The following CCDC148 variants were observed in gnomAD, a reference collection of about 807,000 sequenced individuals.
CCDC148 encodes the protein coiled-coil domain-containing protein 148.
In CCDC148, 89 loss-of-function variants were observed where a neutral mutation model predicts 85.7. That is an observed-to-expected ratio of 1.04 (90% CI 0.87 to 1.24). The LOEUF is 1.24. Among genes scored for constraint, CCDC148 ranks in the 50% most tolerant of loss-of-function variants. CCDC148 has a pLI of 0.00. For missense variants in CCDC148, 692 were observed against 671.7 expected (o/e 1.03, Z -0.33); for synonymous variants, 230 against 213.9 (o/e 1.08, Z -0.66).
chr2:158,311,800 C>A (rs1167724830), intron 8 of CCDC148, among the ~76,000 whole-genome samples: 1 of 152,068 alleles, frequency 6.6e-6, no homozygotes, highest in African/African-American at 2.4e-5. Flanking sequence ...GTAATAATAA[C>A]AATGACACTG....
intron 9 of CCDC148, among the ~76,000 whole-genome samples, chr2:158,286,149 G>T (rs1690613613): frequency 6.6e-6 from 1 of 151,846 alleles, no homozygotes; most frequent in Non-Finnish European, 1.5e-5. Context: ...ATATTTTTAT[G>T]TTCTAGAAAA....
chr2:158,364,193 C>G (rs957024683), intron 1 of CCDC148, among the ~76,000 whole-genome samples: 2 of 152,210 alleles, frequency 1.3e-5, no homozygotes, highest in African/African-American at 4.8e-5. Flanking sequence ...ATTCCATGCT[C>G]ATGGATAGGA....
chr2:158,284,468 CAAATCAGAGATTCTTTTGTGAA>C (rs1470902024), intron 9 of CCDC148, among the ~76,000 whole-genome samples: 1 of 152,040 alleles, frequency 6.6e-6, no homozygotes, highest in African/African-American at 2.4e-5. Flanking sequence ...ATAGCTACTC[CAAATCAGAGATTCTTTTGTGAA>C]AAACTGAGGG....
chr2:158,265,360 T>C (rs1689410770), intron 9 of CCDC148, among the ~76,000 whole-genome samples: 1 of 152,148 alleles, frequency 6.6e-6, no homozygotes, highest in African/African-American at 2.4e-5. Context: ...GGGTTTTTGT[T>C]TTTTTACATT....
At chr2:158,408,318 G>A (rs895867872) in intron 1 of CCDC148, among the ~76,000 whole-genome samples, 5 of 151,868 alleles carry the variant, frequency 3.3e-5, no homozygotes, top group African/African-American at 4.8e-5. Flanking sequence ...ATTGCTGTAC[G>A]TTAGATCTCC....
intron 10 of CCDC148, among the ~76,000 whole-genome samples, chr2:158,238,595 A>G (rs1217005221): frequency 1.3e-5 from 2 of 152,174 alleles, no homozygotes; most frequent in Non-Finnish European, 2.9e-5. Flanking sequence ...GGTGTCCTGT[A>G]AGTGTTTACA....
rs372392192 is a variant in CCDC148 at position 158,289,607 on chromosome 2, A to C, written c.1110+19826T>G. On this transcript the variant is annotated intron_variant, in intron 9 of 13. Transcript: ENST00000283233. ...AGAAACATTCACAAGGATGTGGAACAACAGGATCTTTTATATGTAGCTGGT... is the reference window on the plus strand; with the variant it reads ...AGAAACATTCACAAGGATGTGGAACCACAGGATCTTTTATATGTAGCTGGT... Among the ~76,000 whole-genome samples, 9 of 152,372 alleles carry C rather than the reference A, an allele frequency of 5.9e-5. No individual in the cohort carries two copies. In the South Asian group the frequency reaches 1.7e-3, roughly 28 times the overall value.
At position 158,339,184 on chromosome 2, in the gene CCDC148, T is replaced by C. The variant is rs573541914; in HGVS notation, c.487-99A>G. The C allele has an allele frequency of 3.2e-4, 301 of 950,716 alleles. 3 individuals carry two copies. In the African/African-American group the frequency reaches 4.5e-3, roughly 14 times the overall value. 58.9% of individuals were successfully genotyped at this position (950,716 alleles called of 1,614,324 possible). A position where few individuals can be genotyped will look rare whatever the true frequency, so the allele number is the denominator to read the frequency against. ...ATTATTCTCAAAAGCCAATCAGTGA[T>C]GAAGTTTAAAGACCTGTGGAAGAGA... On this transcript the variant is annotated intron_variant, in intron 5 of 13. Coordinates refer to ENST00000283233, the MANE Select transcript of CCDC148 (RefSeq NM_138803.4).
intron 11 of CCDC148, among the ~76,000 whole-genome samples, chr2:158,182,609 G>A (rs1218164123): frequency 1.3e-5 from 2 of 152,100 alleles, no homozygotes; most frequent in Admixed American, 6.6e-5. Flanking sequence ...GCACAGAGCC[G>A]ACCACAGTTG....
At chr2:158,337,075 A>C (rs922840496) in intron 7 of CCDC148, among the ~76,000 whole-genome samples, 1 of 152,204 alleles carries the variant, frequency 6.6e-6, no homozygotes, top group African/African-American at 2.4e-5. Context: ...TGAGTCACAC[A>C]GGGTTGCATT....
intron 9 of CCDC148, among the ~76,000 whole-genome samples, chr2:158,298,593 T>C (rs1372724705): frequency 2.0e-5 from 3 of 152,198 alleles, no homozygotes; most frequent in African/African-American, 4.8e-5. Context: ...ATATTTTCTA[T>C]TGGCTTGTCT....
intron 12 of CCDC148, among the ~76,000 whole-genome samples, chr2:158,178,321 A>T (rs1427989520): frequency 2.0e-5 from 3 of 152,174 alleles, no homozygotes. Context: ...AAGTAAAACT[A>T]TCACATTTCC....
At chr2:158,259,032 A>C (rs1041072936) in intron 9 of CCDC148, among the ~76,000 whole-genome samples, 1 of 151,804 alleles carries the variant, frequency 6.6e-6, no homozygotes, top group Non-Finnish European at 1.5e-5. Flanking sequence ...CACCTTACAG[A>C]TAGATCCCTG....
At chr2:158,188,369 T>G (rs2105270365) in intron 11 of CCDC148, among the ~76,000 whole-genome samples, 1 of 152,164 alleles carries the variant, frequency 6.6e-6, no homozygotes, top group South Asian at 2.1e-4. Flanking sequence ...TTTGGGATTA[T>G]TAGCTATAAA....
At chr2:158,406,630 T>TTTTTGTTTTTTTTTTTTTTG (rs762309610) in intron 1 of CCDC148, among the ~76,000 whole-genome samples, 6 of 136,730 alleles carry the variant, frequency 4.4e-5, no homozygotes, top group South Asian at 2.3e-4. Context: ...TTTTTTTTTT[T>TTTTTGTTTTTTTTTTTTTTG]TTTTTTTTTT....
chr2:158,331,453 T>C (rs1017254956), intron 7 of CCDC148, among the ~76,000 whole-genome samples: 15 of 152,144 alleles, frequency 9.9e-5, no homozygotes, highest in African/African-American at 3.6e-4. Flanking sequence ...GGAATAAGTG[T>C]GGTGTGGTGC....
At chr2:158,456,061 A>G (rs1688684182) in intron 1 of CCDC148, among the ~76,000 whole-genome samples, 1 of 152,246 alleles carries the variant, frequency 6.6e-6, no homozygotes, top group Admixed American at 6.5e-5. Context: ...CAAGTGAAAG[A>G]ACATGCACCT....
intron 1 of CCDC148, among the ~76,000 whole-genome samples, chr2:158,375,856 T>C (rs1374315223): frequency 1.8e-4 from 28 of 152,168 alleles, no homozygotes; most frequent in Admixed American, 1.8e-3. Context: ...GAAAGATTCA[T>C]ACTAACTGTT....
intron 10 of CCDC148, among the ~76,000 whole-genome samples, chr2:158,228,248 C>T (rs1226266731): frequency 6.6e-6 from 1 of 152,150 alleles, no homozygotes; most frequent in Admixed American, 6.5e-5. Context: ...TAAATCAAAA[C>T]CACAATGAGA....
Sources: allele counts gnomAD v4.1 joint callset (sites outside exome capture counted in the v4.1 genomes callset), GRCh38; gene constraint gnomAD v4.1.1; transcripts MANE v1.5; gene names NCBI Gene and HGNC (gene_info 2026-07-23, HGNC 2026-07-21).